TBC1D9: variants seen among roughly 807,000 people sequenced by gnomAD.
TBC1D9 encodes the protein TBC1 domain family member 9.
A neutral mutation model predicts 132.0 loss-of-function variants in TBC1D9; 63 were observed. The observed-to-expected ratio is 0.48, with a 90% CI of 0.39 to 0.59. The LOEUF is 0.59. TBC1D9 is among the 20% of genes least tolerant of loss of function. The pLI is 0.00. For missense variants in TBC1D9, 1,261 were observed against 1,592.7 expected, an observed-to-expected ratio of 0.79 and a Z score of 3.54; for synonymous variants, 610 against 609.9, an observed-to-expected ratio of 1.00 and a Z score of 0.00.
At chr4:140,715,991 G>A (rs1293329445) in intron 1 of TBC1D9, 1 of 152,204 alleles carries the variant, frequency 6.6e-6, no homozygotes, top group East Asian at 1.9e-4. Flanking sequence ...ACCAAAGATG[G>A]TTTGACTGTG....
intron 2 of TBC1D9, among the ~76,000 whole-genome samples, chr4:140,687,321 A>ATATGTG (rs1553970627): frequency 0.26 from 25,353 of 96,486 alleles, 5,485 homozygotes; most frequent in South Asian, 0.41. Flanking sequence ...ATATATATAT[A>ATATGTG]TGTGTGTGTG....
chr4:140,673,409 C>T (rs1196100099), intron 6 of TBC1D9, among the ~76,000 whole-genome samples: 1 of 152,096 alleles, frequency 6.6e-6, no homozygotes, highest in African/African-American at 2.4e-5. Context: ...ATGTAATGTT[C>T]CCAGGGATGT....
intron 11 of TBC1D9, among the ~76,000 whole-genome samples, chr4:140,658,061 T>C (rs1355701277): frequency 2.0e-5 from 3 of 152,218 alleles, no homozygotes; most frequent in Admixed American, 1.3e-4. Flanking sequence ...ATGACAATTA[T>C]AAGGGTTGTT....
intron 1 of TBC1D9, among the ~76,000 whole-genome samples, chr4:140,711,834 A>G (rs1738248067): frequency 6.6e-6 from 1 of 152,254 alleles, no homozygotes; most frequent in South Asian, 2.1e-4. Context: ...ATTACAAATT[A>G]CAATACATGT....
chr4:140,711,657 C>A (rs1328272077), intron 1 of TBC1D9, among the ~76,000 whole-genome samples: 1 of 152,120 alleles, frequency 6.6e-6, no homozygotes, highest in Non-Finnish European at 1.5e-5. Flanking sequence ...CCTACAATGT[C>A]TAAATAAATT....
chr4:140,749,395 G>A (rs978294842), intron 1 of TBC1D9, among the ~76,000 whole-genome samples: 1 of 152,176 alleles, frequency 6.6e-6, no homozygotes, highest in Non-Finnish European at 1.5e-5. Context: ...AGCAAGGAAG[G>A]CAAAATACAA....
intron 13 of TBC1D9, among the ~76,000 whole-genome samples, chr4:140,640,462 G>A (rs1236812817): frequency 1.4e-5 from 2 of 141,682 alleles, no homozygotes; most frequent in Admixed American, 7.1e-5. Flanking sequence ...GGGGGAGTAG[G>A]TGGGGGTGAT....
chr4:140,721,875 T>G (rs1026560051), intron 1 of TBC1D9, among the ~76,000 whole-genome samples: 1 of 152,158 alleles, frequency 6.6e-6, no homozygotes, highest in Non-Finnish European at 1.5e-5. Flanking sequence ...CTCCTGAGCA[T>G]GTAGTCCTTC....
At chr4:140,684,980 T>C (rs556670520) in intron 3 of TBC1D9, among the ~76,000 whole-genome samples, 40 of 152,182 alleles carry the variant, frequency 2.6e-4, no homozygotes, top group African/African-American at 7.9e-4. Flanking sequence ...CATGATTCCA[T>C]GTTAATAATC....
In TBC1D9 at chr4:140,635,290, C is replaced by T. The variant is rs375683448; in HGVS notation, c.2506-1102G>A. ...CCCAGGAATTAGAGAACAGCCTGGG[C>T]AACATACTGAGACCCTGTCTCTATG... On this transcript the variant is annotated intron_variant, in intron 15 of 20. Coordinates refer to ENST00000442267, the MANE Select transcript of TBC1D9 (RefSeq NM_015130.3). 2.2e-4 allele frequency among the ~76,000 whole-genome samples: 34 copies of T among 151,570 alleles called. 3 individuals are homozygous for T. Among genetic ancestry groups the T allele is most frequent in the Admixed American group, 1.4e-3 (22 of 15,246 alleles).
intron 9 of TBC1D9, among the ~76,000 whole-genome samples, chr4:140,662,401 G>A (rs920772771): frequency 1.3e-5 from 2 of 152,184 alleles, no homozygotes; most frequent in East Asian, 3.9e-4. Context: ...CAGTCCTGAA[G>A]GGCTGCTTAG....
chr4:140,649,818 C>T (rs1737160416), intron 13 of TBC1D9, among the ~76,000 whole-genome samples: 2 of 152,128 alleles, frequency 1.3e-5, no homozygotes, highest in Admixed American at 6.6e-5. Context: ...GTCCCATGTT[C>T]GTTGAATGGG....
At chr4:140,676,848 G>A in intron 6 of TBC1D9, 46 bp downstream of exon 6, 2 of 1,602,784 alleles carry the variant, frequency 1.2e-6, no homozygotes, top group Non-Finnish European at 1.7e-6. Flanking sequence ...ACCCAGAAAA[G>A]TATTACAAAT....
intron 13 of TBC1D9, among the ~76,000 whole-genome samples, chr4:140,656,203 T>C (rs1435073944): frequency 6.6e-6 from 1 of 152,180 alleles, no homozygotes; most frequent in Non-Finnish European, 1.5e-5. Context: ...GGTAAGCCTA[T>C]AGTCTCAATG....
intron 1 of TBC1D9, among the ~76,000 whole-genome samples, chr4:140,736,625 A>C (rs555934559): frequency 6.6e-6 from 1 of 152,118 alleles, no homozygotes; most frequent in African/African-American, 2.4e-5. Context: ...AAGCAGAGCC[A>C]TATTTGAGAA....
At chr4:140,623,991 T>C in intron 20 of TBC1D9, 125 bp downstream of exon 20, 1 of 718,398 alleles carries the variant, frequency 1.4e-6, no homozygotes, top group Non-Finnish European at 2.2e-6. Context: ...TCCAAATGGA[T>C]ACTAAGTAAA....
At chr4:140,718,015 GAAC>G (rs1434841877) in intron 1 of TBC1D9, among the ~76,000 whole-genome samples, 1 of 151,980 alleles carries the variant, frequency 6.6e-6, no homozygotes, top group East Asian at 1.9e-4. Flanking sequence ...CTCTGTATTA[GAAC>G]AAATAAAGCA....
chr4:140,624,968 C>G (rs919201996), intron 18 of TBC1D9, among the ~76,000 whole-genome samples: 4 of 152,110 alleles, frequency 2.6e-5, no homozygotes, highest in African/African-American at 4.8e-5. Context: ...AGGAGAATTG[C>G]TTAAACCCAG....
chr4:140,712,746 A>C (rs1363085146), intron 1 of TBC1D9, among the ~76,000 whole-genome samples: 1 of 68,026 alleles, frequency 1.5e-5, no homozygotes, highest in South Asian at 7.1e-4. Context: ...CCATCTCAAA[A>C]AAATAGATAG....
Sources: gnomAD v4.1 joint callset for allele counts (sites outside exome capture counted in the v4.1 genomes callset) on GRCh38, gnomAD v4.1.1 for gene constraint, MANE v1.5 for transcripts, NCBI Gene and HGNC (gene_info 2026-07-23, HGNC 2026-07-21) for gene names.